The following NHS variants were observed in gnomAD, a reference collection of about 807,000 sequenced individuals.
NHS encodes the protein NHS actin remodeling regulator.
In NHS, 5 loss-of-function variants were observed where a neutral mutation model predicts 72.5. The observed-to-expected ratio is 0.07, with a 90% CI of 0.04 to 0.14. The LOEUF (loss-of-function observed/expected upper bound fraction) is 0.14. NHS is among the 10% of genes least tolerant of loss of function. The probability of loss-of-function intolerance (pLI) is 1.00; values close to 1 mark genes in which losing one functional copy is unlikely to be tolerated. For missense variants in NHS, 1,072 were observed against 1,355.7 expected (o/e 0.79, Z 3.29); for synonymous variants, 464 against 547.7 (o/e 0.85, Z 2.13).
In NHS at chrX:17,427,422, T is replaced by C. The variant is rs192941917; in HGVS notation, c.565+51100T>C. On this transcript the variant is annotated intron_variant, in intron 1 of 8. Transcript: ENST00000676302. ...GTACACATTGACATGCACCAACTCA[T>C]GCCGCTGTTGTTATGATTGTGTTTA... 3.6e-5 allele frequency among the ~76,000 whole-genome samples: 4 copies of C among 112,523 alleles called. No individual in the cohort carries two copies. The East Asian group carries it at 1.1e-3, about 31-fold the overall frequency.
intron 1 of NHS, among the ~76,000 whole-genome samples, chrX:17,382,057 TCTC>T (rs1172778327): frequency 8.9e-6 from 1 of 112,527 alleles, no homozygotes; most frequent in Non-Finnish European, 1.9e-5. Flanking sequence ...ACCTAGATAT[TCTC>T]CTTTGTGGAT....
At chrX:17,430,542 C>T (rs1267896064) in intron 1 of NHS, among the ~76,000 whole-genome samples, 2 of 107,944 alleles carry the variant, frequency 1.9e-5, no homozygotes, top group African/African-American at 3.4e-5. Flanking sequence ...AGATATAGTT[C>T]ACCCATTTAA....
chrX:17,580,675 A>G (rs2065539060), intron 1 of NHS, among the ~76,000 whole-genome samples: 2 of 111,537 alleles, frequency 1.8e-5, no homozygotes, highest in South Asian at 7.7e-4. Flanking sequence ...CTCCTGCAAG[A>G]TAGCCACTCC....
intron 1 of NHS, among the ~76,000 whole-genome samples, chrX:17,606,635 T>C (rs960157175): frequency 8.9e-6 from 1 of 112,531 alleles, no homozygotes; most frequent in Non-Finnish European, 1.9e-5. Context: ...AGAAGTTTTC[T>C]ATTTCCTACA....
intron 3 of NHS, among the ~76,000 whole-genome samples, chrX:17,708,784 G>C (rs1351756935): frequency 9.0e-6 from 1 of 111,200 alleles, no homozygotes; most frequent in Non-Finnish European, 1.9e-5. Context: ...ACTTTGCTTT[G>C]GCTGGTAAGA....
At chrX:17,612,191 C>CT (rs76046011) in intron 1 of NHS, among the ~76,000 whole-genome samples, 1,223 of 97,782 alleles carry the variant, frequency 0.013, 16 homozygotes, top group African/African-American at 0.042. Context: ...TTCCTCATGA[C>CT]TTTTTTTTTT....
At chrX:17,497,313 C>T (rs1327211618) in intron 1 of NHS, among the ~76,000 whole-genome samples, 2 of 112,022 alleles carry the variant, frequency 1.8e-5, no homozygotes, top group African/African-American at 3.2e-5. Flanking sequence ...TAAGGGGTTG[C>T]TACCTCTGTC....
chrX:17,451,404 A>G (rs1489377798), intron 1 of NHS, among the ~76,000 whole-genome samples: 2 of 112,324 alleles, frequency 1.8e-5, no homozygotes, highest in Non-Finnish European at 3.8e-5. Flanking sequence ...TTACAATTTG[A>G]CAGTTTTTTA....
At chrX:17,527,974 T>C (rs1010541836) in intron 1 of NHS, among the ~76,000 whole-genome samples, 2 of 111,379 alleles carry the variant, frequency 1.8e-5, no homozygotes, top group Non-Finnish European at 3.8e-5. Context: ...AGATGTTCCT[T>C]TATGTCTCCA....
chrX:17,524,852 CA>C (rs1349209649), intron 1 of NHS, among the ~76,000 whole-genome samples: 3 of 112,430 alleles, frequency 2.7e-5, no homozygotes, highest in African/African-American at 9.7e-5. Context: ...CATTCCTCAT[CA>C]AACTCTCTCC....
intron 1 of NHS, among the ~76,000 whole-genome samples, chrX:17,643,320 C>A (rs1223871810): frequency 1.8e-5 from 2 of 110,151 alleles, no homozygotes; most frequent in African/African-American, 6.6e-5. Context: ...GTAGGTTATA[C>A]TGTCTGCAGG....
rs745619023 is a variant in NHS, at chrX:17,712,361, TACACACACACACAC to T, written c.853-6963_853-6950del. 3.6e-4 allele frequency among the ~76,000 whole-genome samples: 28 copies of T among 77,078 alleles called. No homozygotes were observed. The South Asian group carries it at 7.3e-3, about 20-fold the overall frequency. 66.9% of individuals were successfully genotyped at this position (77,078 alleles called of 115,157 possible). On this transcript the variant is annotated intron_variant, in intron 3 of 8. Coordinates refer to ENST00000676302, the MANE Select transcript of NHS (RefSeq NM_001291867.2). ...TGTTTTCAAATGTAACACATTTGTATACACACACACACACACACACACACACACACACATATATA... is the reference window on the plus strand; with the variant it reads ...TGTTTTCAAATGTAACACATTTGTATACACACACACACACACACATATATA...
chrX:17,561,570 GCGCGCACACA>G (rs1430432700), intron 1 of NHS, among the ~76,000 whole-genome samples: 26 of 63,168 alleles, frequency 4.1e-4, no homozygotes, highest in African/African-American at 1.7e-3. Flanking sequence ...GCGCGCGCGC[GCGCGCACACA>G]CACACACACA....
At chrX:17,453,522 C>T (rs1040910378) in intron 1 of NHS, among the ~76,000 whole-genome samples, 4 of 111,843 alleles carry the variant, frequency 3.6e-5, no homozygotes, top group African/African-American at 1.3e-4. Flanking sequence ...ATAAGACTCA[C>T]TACTAGATCT....
At chrX:17,539,770 G>A (rs1288043065) in intron 1 of NHS, among the ~76,000 whole-genome samples, 1 of 111,409 alleles carries the variant, frequency 9.0e-6, no homozygotes, top group Non-Finnish European at 1.9e-5. Context: ...CCCCTCCTTT[G>A]GGCACATGGA....
chrX:17,600,148 C>T (rs1406914281), intron 1 of NHS, among the ~76,000 whole-genome samples: 1 of 111,693 alleles, frequency 9.0e-6, no homozygotes, highest in Non-Finnish European at 1.9e-5. Flanking sequence ...GATAAAAAGG[C>T]CGCCTGTCAA....
intron 1 of NHS, among the ~76,000 whole-genome samples, chrX:17,398,550 T>G (rs756796080): frequency 4.2e-4 from 47 of 112,359 alleles, no homozygotes; most frequent in Non-Finnish European, 7.1e-4. Context: ...TAGCCCATAA[T>G]TCTATGAGTT....
chrX:17,683,910 T>C (rs1261510089), intron 1 of NHS, among the ~76,000 whole-genome samples: 1 of 111,788 alleles, frequency 8.9e-6, no homozygotes, highest in Non-Finnish European at 1.9e-5. Context: ...GGTTTGGCTA[T>C]GTCCCCACCC....
intron 1 of NHS, among the ~76,000 whole-genome samples, chrX:17,538,066 GTGGGACTT>G (rs2065238444): frequency 3.6e-5 from 4 of 112,198 alleles, no homozygotes; most frequent in African/African-American, 1.3e-4. Flanking sequence ...CCCAGGGCTA[GTGGGACTT>G]TGGCTCTTTC....
Sources: allele counts gnomAD v4.1 joint callset (sites outside exome capture counted in the v4.1 genomes callset), GRCh38; gene constraint gnomAD v4.1.1; transcripts MANE v1.5; gene names NCBI Gene and HGNC (gene_info 2026-07-23, HGNC 2026-07-21).